DNAH8: variants seen among roughly 807,000 people sequenced by gnomAD.
DNAH8 encodes the protein dynein axonemal heavy chain 8.
A neutral mutation model predicts 562.1 loss-of-function variants in DNAH8; 382 were observed. The ratio of observed to expected loss-of-function variants is 0.68; its 90% CI spans 0.63 to 0.74. DNAH8 has a LOEUF of 0.74. Among genes scored for constraint, DNAH8 ranks in the 30% least tolerant of loss-of-function variants. The pLI is 0.00. For synonymous variants in DNAH8, 1,881 were observed against 1,919.4 expected, an observed-to-expected ratio of 0.98 and a Z score of 0.52; for missense variants, 5,203 against 5,620.4, an observed-to-expected ratio of 0.93 and a Z score of 2.37.
rs1226797058 is a variant in DNAH8, at chr6:38,904,303, G to A, written c.9195-1951G>A. 3.3e-5 allele frequency among the ~76,000 whole-genome samples: 5 copies of A among 152,152 alleles called. No individual in the cohort carries two copies. In the East Asian group the frequency reaches 7.7e-4, roughly 23 times the overall value. On this transcript the variant is annotated intron_variant, in intron 62 of 92. Transcript: ENST00000327475. ...TGGAGATAGCAATATAGAAGTCTCA[G>A]TAGAGAGGAACCTTTTGTGGTCATG...
Position 38,826,312 on chromosome 6 carries a change from A to T in DNAH8, c.4004A>T (p.Asp1335Val), listed in dbSNP as rs773090243. ...TCTAGACCTATTCGTGATTTAGATG[A>T]TGTCAGATTTGCAATGGAAGCCTTG... ...KLSRPIRDLD[D>V]VRFAMEALSC... The change falls in exon 29 of 93, where the codon GAT (aspartate) becomes GTT (valine). Residue 1335 changes from aspartate to valine, a missense_variant. Asp to Val is a radical substitution (Grantham distance 152). Transcript: ENST00000327475. 6.2e-7 allele frequency: 1 copy of T among 1,613,680 alleles called. No individual in the cohort carries two copies. The highest frequency in any genetic ancestry group is 1.7e-5 in the Admixed American group (1 of 59,996).
Position 38,813,902 on chromosome 6 carries a change from C to A in DNAH8, c.3258-152C>A, listed in dbSNP as rs189587834. 8.7e-4 allele frequency: 565 copies of A among 652,028 alleles called. 4 individuals carry two copies. The highest frequency in any genetic ancestry group is 2.4e-3 in the South Asian group (129 of 54,756). The allele number at this position is 652,028 out of a possible 1,614,324, so 40.4% of individuals were successfully genotyped here. ...GTCATTGTATTTTCTTAGTTCTCTG[C>A]AATTTAGGGTTCTGTTATAAGTAAT... On this transcript the variant is annotated intron_variant, in intron 24 of 92. Coordinates refer to ENST00000327475, the MANE Select transcript of DNAH8 (RefSeq NM_001206927.2).
At chr6:38,940,986 G>A (rs2150601346) in intron 79 of DNAH8, among the ~76,000 whole-genome samples, 1 of 152,158 alleles carries the variant, frequency 6.6e-6, no homozygotes, top group South Asian at 2.1e-4. Flanking sequence ...TGGGCGTGGT[G>A]GCACGTGTCT....
Position 38,875,704 on chromosome 6 carries a change from T to C in DNAH8, c.7734T>C (p.Leu2578=). The C allele has an allele frequency of 2.5e-6, 4 of 1,613,976 alleles. No homozygotes were observed. The highest frequency in any genetic ancestry group is 3.4e-6 in the Non-Finnish European group (4 of 1,179,938). Residue 2578 remains leucine (L), a synonymous_variant, in exon 53 of 93, where the codon CTT becomes CTC. Coordinates refer to ENST00000327475, the MANE Select transcript of DNAH8 (RefSeq NM_001206927.2). ...VFGLMWSLGA[L]LELESREKLE... ...GCCTAATGTGGAGTTTAGGAGCCCT[T>C]CTGGAATTAGAAAGCAGAGAAAAGC...
intron 92 of DNAH8, among the ~76,000 whole-genome samples, chr6:39,029,697 G>A (rs1014924351): frequency 2.0e-5 from 3 of 152,142 alleles, no homozygotes; most frequent in Non-Finnish European, 4.4e-5. Context: ...TTGAGACACA[G>A]GTTGGTTGGC....
At chr6:38,831,938 TTTC>T (rs1484592373) in intron 30 of DNAH8, among the ~76,000 whole-genome samples, 1 of 152,134 alleles carries the variant, frequency 6.6e-6, no homozygotes, top group African/African-American at 2.4e-5. Context: ...GTAATATCAC[TTTC>T]TTTTAGGAAT....
At chr6:38,860,356 A>AATC in intron 42 of DNAH8, 101 bp from the exon 43 acceptor site, 1 of 564,400 alleles carries the variant, frequency 1.8e-6, no homozygotes, top group Non-Finnish European at 2.7e-6. Context: ...TGTTAATAAG[A>AATC]ATCAGTTCAT....
At chr6:38,952,701 C>G (rs1237821420) in intron 82 of DNAH8, among the ~76,000 whole-genome samples, 3 of 152,202 alleles carry the variant, frequency 2.0e-5, no homozygotes, top group Admixed American at 6.5e-5. Context: ...CTCATCTTGA[C>G]TTCACTCTAT....
chr6:38,952,606 A>T (rs551988677), intron 82 of DNAH8, among the ~76,000 whole-genome samples: 1 of 152,290 alleles, frequency 6.6e-6, no homozygotes, highest in African/African-American at 2.4e-5. Context: ...TATAAAATCA[A>T]TTCAGTCATG....
At chr6:38,907,922 A>G in intron 63 of DNAH8, 34 bp from the exon 64 acceptor site, 1 of 1,503,740 alleles carries the variant, frequency 6.7e-7, no homozygotes, top group Non-Finnish European at 8.9e-7. Flanking sequence ...AGAACTCTTA[A>G]AACACAGAAC....
rs115254898 is a variant in DNAH8, at chr6:39,008,398, A to G, written c.13215-416A>G. Among the ~76,000 whole-genome samples, 915 of 152,250 alleles carry G rather than the reference A, an allele frequency of 6.0e-3. 8 individuals are homozygous for G. The highest frequency in any genetic ancestry group is 0.02 in the African/African-American group (823 of 41,562). Reference sequence around the variant, plus strand: ...ATAGGTTATAACTCAGTGAGGAAATATGAATGTTCCTCTTTGAGCCAACAA... The same window carrying G: ...ATAGGTTATAACTCAGTGAGGAAATGTGAATGTTCCTCTTTGAGCCAACAA... On this transcript the variant is annotated intron_variant, in intron 88 of 92. Transcript: ENST00000327475.
At chr6:38,743,199 A>T (rs34991207) in intron 8 of DNAH8, among the ~76,000 whole-genome samples, 7,138 of 151,506 alleles carry the variant, frequency 0.047, 195 homozygotes, top group East Asian at 0.095. Context: ...ATAATTTTTT[A>T]AAAATGTTGT....
chr6:38,722,922 C>T lies in DNAH8; in HGVS notation c.113C>T (p.Thr38Ile), dbSNP rs771861249. Residue 38 changes from threonine (T) to isoleucine (I), a missense_variant, in exon 2 of 93, where the codon ACA (threonine) becomes ATA (isoleucine). Around this residue, in one of 6 missense-constraint regions of DNAH8, gnomAD observed 556 missense variants for 496.9 expected, o/e 1.12. Transcript: ENST00000327475. ...SEEEEAPRPP[T>I]VEAPAEDGFS... ...GAGGAAGAGGCCCCGCGCCCTCCGACAGTGGAGGCCCCGGCAGAAGATGGT... is the reference window on the plus strand; with the variant it reads ...GAGGAAGAGGCCCCGCGCCCTCCGATAGTGGAGGCCCCGGCAGAAGATGGT... 6 of 1,612,370 alleles carry T rather than the reference C, an allele frequency of 3.7e-6. No individual in the cohort carries two copies. The African/African-American group carries it at 6.7e-5, about 18-fold the overall frequency.
intron 79 of DNAH8, among the ~76,000 whole-genome samples, chr6:38,944,615 A>AT (rs1783701451): frequency 6.6e-6 from 1 of 152,242 alleles, no homozygotes; most frequent in African/African-American, 2.4e-5. Context: ...AAATATCATC[A>AT]TGTATTTCAT....
At chr6:38,827,915 T>C (rs1773506037) in intron 29 of DNAH8, among the ~76,000 whole-genome samples, 1 of 151,918 alleles carries the variant, frequency 6.6e-6, no homozygotes, top group African/African-American at 2.4e-5. Flanking sequence ...GGTGTTGACA[T>C]AGGGTCAAGG....
At chr6:38,825,213 A>G (rs1175908601) in intron 28 of DNAH8, among the ~76,000 whole-genome samples, 1 of 152,074 alleles carries the variant, frequency 6.6e-6, no homozygotes, top group Non-Finnish European at 1.5e-5. Context: ...CAATCACCAG[A>G]CTGGCTGCAT....
At chr6:38,909,786 C>A in intron 65 of DNAH8, 42 bp downstream of exon 65, 2 of 1,472,800 alleles carry the variant, frequency 1.4e-6, no homozygotes, top group Non-Finnish European at 1.9e-6. Context: ...GGAACCACAG[C>A]ATGTATTCCC....
Position 38,723,053 on chromosome 6 carries a change from A to T in DNAH8, c.244A>T (p.Asn82Tyr). Residue 82 changes from asparagine (N) to tyrosine (Y), a missense_variant, in exon 2 of 93, where the codon AAT becomes TAT. This residue lies in a region of DNAH8 where 556 missense variants were observed against 496.9 expected (regional missense o/e 1.12). Coordinates refer to ENST00000327475, the MANE Select transcript of DNAH8 (RefSeq NM_001206927.2). ...TCCAGATGATCATGAAGCGGATCTG[A>T]ATAGAGTTCGACAGAGGCTTGCACC... ...VLPDDHEADL[N>Y]RVRQRLAPRP... 1.2e-6 allele frequency: 2 copies of T among 1,612,892 alleles called. No individual in the cohort carries two copies. The highest frequency in any genetic ancestry group is 1.7e-6 in the Non-Finnish European group (2 of 1,179,904).
rs755971617 is a variant in DNAH8, at chr6:38,931,909, T to C, written c.11373T>C (p.Ala3791=). The C allele has an allele frequency of 2.0e-5, 33 of 1,612,240 alleles. No individual in the cohort carries two copies. Among genetic ancestry groups the C allele is most frequent in the East Asian group, 4.5e-5 (2 of 44,724 alleles). Residue 3791 remains alanine (A), a synonymous_variant, in exon 76 of 93, where the codon GCT becomes GCC. Transcript: ENST00000327475. The part of the protein sequence containing the change: ...PNPAFTPEIN[A]KTSVIDFTVT... ...CTGCCTTTACCCCAGAGATTAATGC[T>C]AAAACGTCAGTCATTGATTTCACTG...
Sources: allele counts gnomAD v4.1 joint callset (sites outside exome capture counted in the v4.1 genomes callset), GRCh38; gene constraint gnomAD v4.1.1; regional missense constraint gnomAD v4.1.1; transcripts MANE v1.5; gene names NCBI Gene and HGNC (gene_info 2026-07-23, HGNC 2026-07-21).